The following SPATA1 variants were observed in gnomAD, a reference collection of about 807,000 sequenced individuals.
The protein encoded by SPATA1 is spermatogenesis associated 1.
A neutral mutation model predicts 59.6 loss-of-function variants in SPATA1; 57 were observed. That is an observed-to-expected ratio of 0.96 (90% CI 0.77 to 1.19). The LOEUF is 1.19. SPATA1 is among the 50% of genes most tolerant of loss of function. SPATA1 has a pLI of 0.00. For missense variants in SPATA1, 448 were observed against 480.7 expected (o/e 0.93, Z 0.64); for synonymous variants, 147 against 163.9 (o/e 0.90, Z 0.79).
intron 4 of SPATA1, among the ~76,000 whole-genome samples, chr1:84,524,273 C>T (rs1304328686): frequency 1.3e-5 from 2 of 152,014 alleles, no homozygotes; most frequent in African/African-American, 2.4e-5. Flanking sequence ...ATAAATGGTA[C>T]ATTTTTTTAA....
chr1:84,526,069 A>G (rs1683210663), exon 6 of SPATA1: 1 of 1,605,846 alleles, frequency 6.2e-7, no homozygotes, highest in Middle Eastern at 1.7e-4. Flanking sequence ...AGAATCAGGA[A>G]GAAGGTGATT....
At chr1:84,537,034 C>T (rs886141714) in intron 8 of SPATA1, among the ~76,000 whole-genome samples, 3 of 151,834 alleles carry the variant, frequency 2.0e-5, no homozygotes, top group Admixed American at 6.6e-5. Flanking sequence ...CACCTGCCAC[C>T]GCGCCCAGCT....
chr1:84,530,767 T>C (rs1179049741), intron 6 of SPATA1, among the ~76,000 whole-genome samples: 1 of 152,202 alleles, frequency 6.6e-6, no homozygotes, highest in Admixed American at 6.5e-5. Context: ...GGACTTGAGC[T>C]CTTTTGTGTT....
rs776020910 is a variant in SPATA1 at position 84,563,416 on chromosome 1, A to T, written n.443-2445A>T. ...GGACTTTTGCAATGGTACAAACATG[A>T]TCCTAGAAATGCAAAAGTGCTCATG... On this transcript the variant is annotated intron_variant and non_coding_transcript_variant, in intron 4 of 4. Coordinates refer to the SPATA1 transcript ENST00000460286. 7 of 1,500,580 alleles carry T rather than the reference A, an allele frequency of 4.7e-6. No homozygotes were observed. In the South Asian group the frequency reaches 9.8e-5, roughly 21 times the overall value. The allele number at this position is 1,500,580 out of a possible 1,614,324, so 93.0% of individuals were successfully genotyped here. A position where few individuals can be genotyped will look rare whatever the true frequency, so the allele number is the denominator to read the frequency against.
chr1:84,562,986 T>C (rs1333074928), intron 4 of SPATA1, among the ~76,000 whole-genome samples: 1 of 152,124 alleles, frequency 6.6e-6, no homozygotes, highest in Non-Finnish European at 1.5e-5. Context: ...GTTACAGAAA[T>C]CCTGTTTGTG....
At chr1:84,549,499 T>A (rs1209293645) in intron 11 of SPATA1, 1 of 152,122 alleles carries the variant, frequency 6.6e-6, no homozygotes, top group Non-Finnish European at 1.5e-5. Context: ...GGACAAACAG[T>A]GTCTGCTATA....
chr1:84,556,918 A>G (rs1420882937), downstream of SPATA1, among the ~76,000 whole-genome samples: 2 of 152,206 alleles, frequency 1.3e-5, no homozygotes, highest in South Asian at 2.1e-4. Flanking sequence ...GGCAACTTGT[A>G]GAACTTGTAC....
chr1:84,520,518 G>T, intron 2 of SPATA1, 67 bp from the exon 3 acceptor site: 1 of 886,042 alleles, frequency 1.1e-6, no homozygotes. Context: ...TAATTCTATA[G>T]GACATCAATT....
intron 1 of SPATA1, among the ~76,000 whole-genome samples, chr1:84,508,407 T>C (rs190510631): frequency 6.6e-6 from 1 of 152,338 alleles, no homozygotes; most frequent in Admixed American, 6.5e-5. Flanking sequence ...TCTTTGACCT[T>C]CCACAATGAT....
chr1:84,538,792 A>ATTGGTTTTGGTT (rs943814336), intron 8 of SPATA1, among the ~76,000 whole-genome samples: 2 of 152,016 alleles, frequency 1.3e-5, no homozygotes, highest in African/African-American at 4.8e-5. Context: ...TTGTGGGGTT[A>ATTGGTTTTGGTT]TTGGTTTTGG....
chr1:84,557,626 T>C (rs1391412592), downstream of SPATA1, among the ~76,000 whole-genome samples: 1 of 146,470 alleles, frequency 6.8e-6, no homozygotes, highest in Non-Finnish European at 1.5e-5. Flanking sequence ...GAGGCCGAGA[T>C]GGGCAGATCA....
At chr1:84,522,423 G>A (rs773637548) in exon 4 of SPATA1, 35 of 1,505,964 alleles carry the variant, frequency 2.3e-5, no homozygotes, top group South Asian at 2.8e-5. Context: ...GAGCCCTGAG[G>A]GAGCGTCTTG....
intron 5 of SPATA1, 46 bp downstream of exon 5, chr1:84,525,795 G>T: frequency 6.2e-7 from 1 of 1,606,004 alleles, no homozygotes; most frequent in Non-Finnish European, 8.5e-7. Context: ...TTAACTTAGA[G>T]CACTGCTTTT....
At position 84,511,830 on chromosome 1, in the gene SPATA1, GGCCACCA is replaced by G. The variant is rs1682576932; in HGVS notation, c.-137-4392_-137-4386del. ...CCCAGTAGCTAGGATTATAGGCATGGGCCACCATGCCCGGCCAATTTTGTATTTTTAT... is the reference window on the plus strand; with the variant it reads ...CCCAGTAGCTAGGATTATAGGCATGGTGCCCGGCCAATTTTGTATTTTTAT... On this transcript the variant is annotated intron_variant, in intron 1 of 12. Transcript: ENST00000490879. Among the ~76,000 whole-genome samples, 3 of 151,698 alleles carry G rather than the reference GGCCACCA, an allele frequency of 2.0e-5. No individual in the cohort carries two copies. The East Asian group carries it at 5.8e-4, about 29-fold the overall frequency.
At chr1:84,554,148 T>C (rs993993507) in exon 13 of SPATA1, 4 of 152,052 alleles carry the variant, frequency 2.6e-5, no homozygotes, top group Non-Finnish European at 4.4e-5. Context: ...ATTGCAGATG[T>C]AGAAAGAAAA....
At chr1:84,531,570 CTT>C (rs11344822) in intron 6 of SPATA1, among the ~76,000 whole-genome samples, 76 of 105,200 alleles carry the variant, frequency 7.2e-4, no homozygotes, top group South Asian at 1.0e-3. Context: ...TTTGGCAAGT[CTT>C]TTTTTTTTTT....
At chr1:84,526,200 T>G in intron 6 of SPATA1, 127 bp downstream of exon 6, 1 of 717,260 alleles carries the variant, frequency 1.4e-6, no homozygotes, top group Non-Finnish European at 2.2e-6. Flanking sequence ...AAAGCTACAA[T>G]TCCACTTGGG....
At position 84,552,055 on chromosome 1, in the gene SPATA1, T is replaced by C. The variant is rs568481861; in HGVS notation, c.1225-980T>C. 3.3e-5 allele frequency: 5 copies of C among 152,250 alleles called. No homozygotes were observed. In the East Asian group the frequency reaches 5.8e-4, roughly 18 times the overall value. 9.4% of individuals were successfully genotyped at this position (152,250 alleles called of 1,614,324 possible). ...AAAAGAGAACAAAGTTTTCAGCTTATAGGCTGGGGGGAAAAAATCCTGTAT... is the reference window on the plus strand; with the variant it reads ...AAAAGAGAACAAAGTTTTCAGCTTACAGGCTGGGGGGAAAAAATCCTGTAT... On this transcript the variant is annotated intron_variant, in intron 12 of 12. Transcript: ENST00000490879.
intron 1 of SPATA1, among the ~76,000 whole-genome samples, chr1:84,508,995 A>C (rs1682411053): frequency 6.6e-6 from 1 of 152,184 alleles, no homozygotes; most frequent in African/African-American, 2.4e-5. Context: ...TAATACCCAA[A>C]GCAATCTACA....
Sources: gnomAD v4.1 joint callset for allele counts (sites outside exome capture counted in the v4.1 genomes callset) on GRCh38, gnomAD v4.1.1 for gene constraint, MANE v1.5 for transcripts, NCBI Gene and HGNC (gene_info 2026-07-23, HGNC 2026-07-21) for gene names.